Variants in BTBD1 observed in about 807,000 individuals in gnomAD.
BTBD1 encodes BTB domain containing 1.
In BTBD1, 34 loss-of-function variants were observed where a neutral mutation model predicts 48.0. The ratio of observed to expected loss-of-function variants is 0.71; its 90% CI spans 0.54 to 0.94. BTBD1 has a LOEUF of 0.94. BTBD1 is among the 40% of genes least tolerant of loss of function. The pLI is 0.00. For synonymous variants in BTBD1, 261 were observed against 242.1 expected (o/e 1.08, Z -0.72); for missense variants, 543 against 625.6 (o/e 0.87, Z 1.41).
intron 6 of BTBD1, among the ~76,000 whole-genome samples, chr15:83,019,082 G>C (rs1220033628): frequency 2.0e-5 from 3 of 151,112 alleles, no homozygotes; most frequent in Non-Finnish European, 4.4e-5. Context: ...TTTTGAGACA[G>C]ACTCTCTCAC....
intron 5 of BTBD1, among the ~76,000 whole-genome samples, chr15:83,024,886 G>T (rs906434366): frequency 6.6e-6 from 1 of 152,152 alleles, no homozygotes; most frequent in Non-Finnish European, 1.5e-5. Flanking sequence ...ACAGGCGTGA[G>T]CCAGTACACC....
rs773923340 is a variant in BTBD1, at chr15:83,042,348, T to TTTTATATA, written c.665-424_665-423insTATATAAA. On this transcript the variant is annotated intron_variant, in intron 3 of 7. Coordinates refer to ENST00000261721, the MANE Select transcript of BTBD1 (RefSeq NM_025238.4). ...ACGTGCCAGGTACTATTAGGCAATTTTATATATATATATATATATATATAT... is the reference window on the plus strand; with the variant it reads ...ACGTGCCAGGTACTATTAGGCAATTTTTTATATATATATATATATATATATATATATAT... Among the ~76,000 whole-genome samples, 411 of 109,876 alleles carry TTTTATATA rather than the reference T, an allele frequency of 3.7e-3. 6 individuals carry two copies. The highest frequency in any genetic ancestry group is 5.7e-3 in the Non-Finnish European group (308 of 54,198). 72.1% of individuals were successfully genotyped at this position (109,876 alleles called of 152,430 possible). A position where few individuals can be genotyped will look rare whatever the true frequency, so the allele number is the denominator to read the frequency against.
chr15:83,033,968 G>C (rs560829323), intron 4 of BTBD1, among the ~76,000 whole-genome samples: 1 of 151,324 alleles, frequency 6.6e-6, no homozygotes, highest in Non-Finnish European at 1.5e-5. Flanking sequence ...AATAATAAAA[G>C]AATCTTTAAT....
intron 3 of BTBD1, among the ~76,000 whole-genome samples, chr15:83,046,617 A>G (rs763020114): frequency 1.3e-5 from 2 of 151,446 alleles, no homozygotes; most frequent in Non-Finnish European, 2.9e-5. Flanking sequence ...TAATGCTTCA[A>G]ATGAGAACAC....
Position 83,067,180 on chromosome 15 carries a change from G to C in BTBD1, c.-29C>G, listed in dbSNP as rs761846601. On this transcript the variant is annotated 5_prime_UTR_variant, in exon 1 of 8. Coordinates refer to ENST00000261721, the MANE Select transcript of BTBD1 (RefSeq NM_025238.4). ...CCAGCTGCGCGGTTGCCCACGTTAT[G>C]GACAAAACTCCGCCGCCATCGCCCA... 64 of 1,380,296 alleles carry C rather than the reference G, an allele frequency of 4.6e-5. 1 individual carries two copies. Among genetic ancestry groups the C allele is most frequent in the Non-Finnish European group, 5.9e-5 (63 of 1,068,728 alleles). 85.5% of individuals were successfully genotyped at this position (1,380,296 alleles called of 1,614,324 possible). A position where few individuals can be genotyped will look rare whatever the true frequency, so the allele number is the denominator to read the frequency against.
At chr15:83,036,103 C>CAAA (rs563839312) in intron 4 of BTBD1, among the ~76,000 whole-genome samples, 1,932 of 74,982 alleles carry the variant, frequency 0.026, 33 homozygotes, top group Non-Finnish European at 0.037. Flanking sequence ...GTATCATTAC[C>CAAA]AAAAAAAAAA....
intron 5 of BTBD1, 139 bp downstream of exon 5, chr15:83,029,997 C>T: frequency 1.2e-6 from 1 of 826,556 alleles, no homozygotes; most frequent in Non-Finnish European, 2.0e-6. Flanking sequence ...TTCTTGACTC[C>T]TATATTAACT....
chr15:83,053,288 G>A (rs2033026509), intron 2 of BTBD1, among the ~76,000 whole-genome samples: 1 of 152,124 alleles, frequency 6.6e-6, no homozygotes, highest in Admixed American at 6.5e-5. Flanking sequence ...CAGTTCAAAT[G>A]ACTCACTTAG....
chr15:83,035,903 T>C (rs913877952), intron 4 of BTBD1, among the ~76,000 whole-genome samples: 4 of 151,716 alleles, frequency 2.6e-5, no homozygotes, highest in African/African-American at 7.3e-5. Flanking sequence ...AAAAAAAATA[T>C]ATATAGACTA....
intron 3 of BTBD1, among the ~76,000 whole-genome samples, chr15:83,043,824 T>C (rs1471303967): frequency 1.3e-5 from 2 of 152,188 alleles, no homozygotes; most frequent in Non-Finnish European, 2.9e-5. Flanking sequence ...AGTTTCATTT[T>C]AGACATACTA....
intron 5 of BTBD1, among the ~76,000 whole-genome samples, chr15:83,026,913 G>A (rs534036485): frequency 2.6e-4 from 40 of 152,222 alleles, no homozygotes; most frequent in African/African-American, 9.4e-4. Flanking sequence ...ATCTGTGGAA[G>A]TTATATTTAA....
At chr15:83,041,102 C>A (rs1192839228) in intron 4 of BTBD1, among the ~76,000 whole-genome samples, 1 of 143,918 alleles carries the variant, frequency 6.9e-6, no homozygotes, top group African/African-American at 2.6e-5. Context: ...CAGTGAAATG[C>A]GTTTGTGCCA....
At chr15:83,056,704 T>TATCC (rs55788185) in intron 1 of BTBD1, among the ~76,000 whole-genome samples, 159 bp from the exon 2 acceptor site, 21,555 of 112,114 alleles carry the variant, frequency 0.19, 2,202 homozygotes, top group Admixed American at 0.24. Flanking sequence ...TCCATTCATC[T>TATCC]ATCCATCCAT....
At chr15:83,027,557 T>C (rs1567103246) in intron 5 of BTBD1, among the ~76,000 whole-genome samples, 1 of 152,160 alleles carries the variant, frequency 6.6e-6, no homozygotes, top group African/African-American at 2.4e-5. Flanking sequence ...TCTCCACCTC[T>C]GTAGGAGAGC....
intron 2 of BTBD1, among the ~76,000 whole-genome samples, chr15:83,053,720 T>G (rs2033033774): frequency 6.6e-6 from 1 of 152,230 alleles, no homozygotes; most frequent in Non-Finnish European, 1.5e-5. Flanking sequence ...GAGATATCAC[T>G]TATTAGTTAT....
At chr15:83,031,849 T>C (rs1293194317) in intron 4 of BTBD1, among the ~76,000 whole-genome samples, 3 of 151,030 alleles carry the variant, frequency 2.0e-5, no homozygotes, top group Non-Finnish European at 4.4e-5. Flanking sequence ...TTATCATACA[T>C]AGGCAAATTA....
chr15:83,023,632 C>G (rs2032344928), intron 5 of BTBD1, among the ~76,000 whole-genome samples: 1 of 151,930 alleles, frequency 6.6e-6, no homozygotes, highest in African/African-American at 2.4e-5. Flanking sequence ...GTAAGTGATC[C>G]TCCTGCCTTG....
chr15:83,041,737 A>T lies in BTBD1; in HGVS notation c.853T>A (p.Phe285Ile). Residue 285 changes from phenylalanine to isoleucine, a missense_variant, in exon 4 of 8, where the codon TTT becomes ATT. Physicochemically the swap from Phe to Ile is conservative, Grantham distance 21. Around this residue, in one of 3 missense-constraint regions of BTBD1, gnomAD observed 300 missense variants for 350.0 expected, o/e 0.86. Coordinates refer to ENST00000261721, the MANE Select transcript of BTBD1 (RefSeq NM_025238.4). The stretch of plus-strand genomic sequence containing the variant: ...GAATTTATACCCTTACCTGCTGCAA[A>T]TTCCTCAATTGTCATCAGTGGGAAC... ...IRFPLMTIEE[F>I]AAGPAQSGIL... 6.2e-7 allele frequency: 1 copy of T among 1,614,024 alleles called. No homozygotes were observed. Among genetic ancestry groups the T allele is most frequent in the Non-Finnish European group, 8.5e-7 (1 of 1,179,912 alleles).
intron 4 of BTBD1, among the ~76,000 whole-genome samples, chr15:83,035,743 A>G (rs547870522): frequency 6.6e-6 from 1 of 152,254 alleles, no homozygotes; most frequent in Admixed American, 6.5e-5. Context: ...AAGTAATGAA[A>G]TGGAAAACAT....
Sources: allele counts gnomAD v4.1 joint callset (sites outside exome capture counted in the v4.1 genomes callset), GRCh38; gene constraint gnomAD v4.1.1; regional missense constraint gnomAD v4.1.1; transcripts MANE v1.5; gene names NCBI Gene and HGNC (gene_info 2026-07-23, HGNC 2026-07-21).